The following VPS39 variants were observed in gnomAD, a reference collection of about 807,000 sequenced individuals.
VPS39 encodes the protein VPS39 subunit of HOPS complex.
Under a neutral mutation model 121.0 loss-of-function variants are expected in VPS39, and 70 were observed. The ratio of observed to expected loss-of-function variants is 0.58; its 90% confidence interval spans 0.48 to 0.71. The LOEUF (loss-of-function observed/expected upper bound fraction) is 0.71, where lower values mean the gene tolerates loss of function less well. Ranked by LOEUF, VPS39 falls within the 30% of genes least tolerant of loss-of-function variation. VPS39 has a pLI of 0.00. For synonymous variants in VPS39, 378 were observed against 398.1 expected, an observed-to-expected ratio of 0.95 and a Z score of 0.60; for missense variants, 818 against 1,051.5, an observed-to-expected ratio of 0.78 and a Z score of 3.07.
intron 24 of VPS39, 126 bp from the exon 25 acceptor site, chr15:42,160,955 C>T (rs560970274): frequency 2.3e-6 from 2 of 872,438 alleles, no homozygotes; most frequent in East Asian, 5.1e-5. Flanking sequence ...ACCCAAACCT[C>T]AAAGAACAGC....
At chr15:42,194,587 T>G (rs2049895921) in intron 2 of VPS39, among the ~76,000 whole-genome samples, 4 of 151,944 alleles carry the variant, frequency 2.6e-5, no homozygotes, top group African/African-American at 7.3e-5. Context: ...GAAAAAACTA[T>G]CTGGGCATGC....
chr15:42,166,136 T>A (rs2049238108), intron 16 of VPS39, 23 bp downstream of exon 16: 1 of 1,609,974 alleles, frequency 6.2e-7, no homozygotes, highest in Non-Finnish European at 8.5e-7. Context: ...ACCAGATAAA[T>A]CCAAGGGACT....
Position 42,173,748 on chromosome 15 carries a change from C to T in VPS39, c.1065G>A (p.Met355Ile). ...CTGTGCCAAGTTTAGCAAAGACCTG[C>T]ATGGACTCATCAAAACGCTTCTGGC... is the stretch of plus-strand genomic sequence containing the variant. ...LFCQKRFDES[M>I]QVFAKLGTDP... The change falls in exon 11 of 25, where the codon ATG (methionine) becomes ATA (isoleucine). Residue 355 changes from methionine to isoleucine, a missense_variant. Met to Ile is a conservative substitution (Grantham distance 10). Coordinates refer to ENST00000318006, the MANE Select transcript of VPS39 (RefSeq NM_015289.5). 1 of 1,614,134 alleles carries T rather than the reference C, an allele frequency of 6.2e-7. No individual in the cohort carries two copies. Among genetic ancestry groups the T allele is most frequent in the Non-Finnish European group, 8.5e-7 (1 of 1,179,996 alleles).
At chr15:42,168,896 A>G (rs1252509001) in intron 12 of VPS39, among the ~76,000 whole-genome samples, 1 of 152,174 alleles carries the variant, frequency 6.6e-6, no homozygotes, top group Non-Finnish European at 1.5e-5. Flanking sequence ...CCTCTTACAA[A>G]GATCTGCAAA....
chr15:42,166,422 C>T, intron 15 of VPS39, 141 bp downstream of exon 15: 1 of 1,182,028 alleles, frequency 8.5e-7, no homozygotes, highest in Non-Finnish European at 1.2e-6. Flanking sequence ...CACCGAGGGA[C>T]TTTTATGCCA....
chr15:42,170,417 C>T (rs890184673), intron 11 of VPS39, among the ~76,000 whole-genome samples: 5 of 152,188 alleles, frequency 3.3e-5, no homozygotes, highest in East Asian at 1.9e-4. Context: ...GTGGGAGGAT[C>T]GCTTGAGCCC....
intron 3 of VPS39, 101 bp from the exon 4 acceptor site, chr15:42,191,268 C>A: frequency 7.2e-7 from 1 of 1,379,838 alleles, no homozygotes; most frequent in Non-Finnish European, 1.0e-6. Context: ...GGAGCCTATC[C>A]AGTTACAGGG....
At position 42,187,368 on chromosome 15, in the gene VPS39, A is replaced by G. The variant is rs1385667725; in HGVS notation, c.442-5T>C. On this transcript the variant is annotated splice_polypyrimidine_tract_variant and splice_region_variant and intron_variant, in intron 6 of 24. Transcript: ENST00000318006. Reference sequence around the variant, plus strand: ...ATCTGGCACACTAAAGTCCCCCTGAAAAAAGAGAGCAAGGATCTGAATGAA... The same window carrying G: ...ATCTGGCACACTAAAGTCCCCCTGAGAAAAGAGAGCAAGGATCTGAATGAA... 1.3e-6 allele frequency: 2 copies of G among 1,596,940 alleles called. No homozygotes were observed. Among genetic ancestry groups the G allele is most frequent in the Admixed American group, 3.7e-5 (2 of 54,646 alleles).
rs1204230563 is a variant in VPS39 at position 42,187,764 on chromosome 15, T to C, written c.435A>G (p.Glu145=). 2.5e-6 allele frequency: 4 copies of C among 1,614,152 alleles called. No individual in the cohort carries two copies. Among genetic ancestry groups the C allele is most frequent in the Non-Finnish European group, 3.4e-6 (4 of 1,180,010 alleles). The change falls in exon 6 of 25, where the codon GAA becomes GAG. Residue 145 remains glutamate (E), a synonymous_variant. Coordinates refer to ENST00000318006, the MANE Select transcript of VPS39 (RefSeq NM_015289.5). ...CAAGGAACAGTGGACTTACCTGCAA[T>C]TCATGAAATTCCCTGTCCTTCCAGA... ...LYFWKDREFH[E]LQGDFSVPDV... is the part of the protein sequence containing the mutation.
chr15:42,178,342 G>A lies in VPS39; in HGVS notation c.840-4C>T, dbSNP rs2049500630. The A allele has an allele frequency of 1.2e-6, 2 of 1,614,172 alleles. No individual in the cohort carries two copies. The highest frequency in any genetic ancestry group is 1.7e-6 in the Non-Finnish European group (2 of 1,180,036). The stretch of plus-strand genomic sequence containing the variant: ...GGCCACATAGATAATGTTTGATCTG[G>A]AAGCAAGAGTAAGAATATTAGCAAA... On this transcript the variant is annotated splice_region_variant and splice_polypyrimidine_tract_variant and intron_variant, in intron 9 of 24. Coordinates refer to ENST00000318006, the MANE Select transcript of VPS39 (RefSeq NM_015289.5).
chr15:42,167,025 A>G (rs2049257035), intron 13 of VPS39, 112 bp from the exon 14 acceptor site: 4 of 1,463,598 alleles, frequency 2.7e-6, no homozygotes, highest in Non-Finnish European at 3.7e-6. Context: ...AGCAAGAGAA[A>G]GCAGACAGCC....
intron 22 of VPS39, 44 bp downstream of exon 22, chr15:42,162,288 G>A (rs770323301): frequency 2.5e-6 from 4 of 1,596,924 alleles, no homozygotes; most frequent in South Asian, 1.1e-5. Flanking sequence ...CTCATTCGGT[G>A]CTCCCTGCAA....
intron 4 of VPS39, among the ~76,000 whole-genome samples, chr15:42,189,819 T>TTTTTTTGGC (rs376361986): frequency 1.2e-5 from 1 of 82,706 alleles, no homozygotes; most frequent in Non-Finnish European, 2.3e-5. Context: ...TTTTTTTTTT[T>TTTTTTTGGC]TGAGGCACGG....
chr15:42,184,342 C>G (rs757705269), intron 8 of VPS39, 175 bp downstream of exon 8: 3 of 515,918 alleles, frequency 5.8e-6, no homozygotes, highest in Non-Finnish European at 9.4e-6. Flanking sequence ...CTTGCAAGAA[C>G]TAGACTATCC....
chr15:42,194,474 C>CA (rs1326792398), intron 2 of VPS39, among the ~76,000 whole-genome samples: 1 of 150,932 alleles, frequency 6.6e-6, no homozygotes, highest in Non-Finnish European at 1.5e-5. Context: ...AATTCCGTCT[C>CA]AAAAAAAAGA....
At chr15:42,193,932 TC>T (rs748631007) in intron 2 of VPS39, among the ~76,000 whole-genome samples, 7 of 151,376 alleles carry the variant, frequency 4.6e-5, no homozygotes, top group Non-Finnish European at 8.8e-5. Context: ...AAAATAATAC[TC>T]CCTGAAAAAA....
chr15:42,179,370 C>T (rs1243692172), intron 8 of VPS39, among the ~76,000 whole-genome samples: 1 of 151,042 alleles, frequency 6.6e-6, no homozygotes, highest in African/African-American at 2.4e-5. Context: ...GAGATCGAGA[C>T]CATCCTGGCT....
intron 11 of VPS39, among the ~76,000 whole-genome samples, chr15:42,171,773 C>T (rs769285235): frequency 6.6e-6 from 1 of 152,148 alleles, no homozygotes; most frequent in Non-Finnish European, 1.5e-5. Flanking sequence ...TCCATTCCAA[C>T]CCCTGGGAAC....
At chr15:42,163,858 T>C (rs1000119857) in intron 19 of VPS39, 130 bp from the exon 20 acceptor site, 1 of 653,036 alleles carries the variant, frequency 1.5e-6, no homozygotes, top group Non-Finnish European at 2.6e-6. Flanking sequence ...GCTTGGGTTT[T>C]TCTTCAAGGA....
Sources: gnomAD v4.1 joint callset for allele counts (sites outside exome capture counted in the v4.1 genomes callset) on GRCh38, gnomAD v4.1.1 for gene constraint, MANE v1.5 for transcripts, NCBI Gene and HGNC (gene_info 2026-07-23, HGNC 2026-07-21) for gene names.